Variants in CNTN3 observed in about 807,000 individuals in gnomAD.
CNTN3 encodes the protein contactin-3.
In CNTN3, 60 loss-of-function variants were observed where a neutral mutation model predicts 119.1. The observed-to-expected ratio is 0.50, with a 90% CI of 0.41 to 0.62. The LOEUF (loss-of-function observed/expected upper bound fraction) is 0.62, where lower values mean the gene tolerates loss of function less well. Ranked by LOEUF, CNTN3 falls within the 20% of genes least tolerant of loss-of-function variation. The pLI is 0.00. For synonymous variants in CNTN3, 450 were observed against 438.7 expected (o/e 1.03, Z -0.32); for missense variants, 1,101 against 1,242.4 (o/e 0.89, Z 1.71).
At chr3:74,542,566 G>A (rs2107148895) in intron 1 of CNTN3, among the ~76,000 whole-genome samples, 1 of 152,164 alleles carries the variant, frequency 6.6e-6, no homozygotes, top group East Asian at 1.9e-4. Context: ...GAAACATTAA[G>A]TACACTAACA....
chr3:74,530,946 C>T (rs938273583), intron 1 of CNTN3, among the ~76,000 whole-genome samples: 7 of 151,880 alleles, frequency 4.6e-5, no homozygotes, highest in Admixed American at 3.9e-4. Context: ...CTAGCAAGTC[C>T]AAAGTGACAT....
chr3:74,473,790 G>C (rs1334844807), intron 4 of CNTN3, among the ~76,000 whole-genome samples: 3 of 152,182 alleles, frequency 2.0e-5, no homozygotes, highest in Non-Finnish European at 4.4e-5. Context: ...AAACTGTACA[G>C]ACCCGGGGGA....
intron 13 of CNTN3, among the ~76,000 whole-genome samples, chr3:74,321,199 G>A (rs754063269): frequency 3.9e-5 from 6 of 152,094 alleles, no homozygotes; most frequent in Non-Finnish European, 7.3e-5. Flanking sequence ...CTGGGTGATG[G>A]ATTCAAATAC....
At position 74,574,327 on chromosome 3, in the gene CNTN3, T is replaced by G. The variant is rs567746655; in HGVS notation, c.-81+40064A>C. Among the ~76,000 whole-genome samples, 3 of 152,270 alleles carry G rather than the reference T, an allele frequency of 2.0e-5. No individual in the cohort carries two copies. The South Asian group carries it at 6.2e-4, about 32-fold the overall frequency. On this transcript the variant is annotated intron_variant, in intron 1 of 22. Transcript: ENST00000263665. Reference sequence around the variant, plus strand: ...GGAGTGATTGCTAATGGGTATGGGTTTCTTTTAGAGTGATGAACATGTTCT... The same window carrying G: ...GGAGTGATTGCTAATGGGTATGGGTGTCTTTTAGAGTGATGAACATGTTCT...
At chr3:74,512,909 G>A (rs563384306) in intron 2 of CNTN3, among the ~76,000 whole-genome samples, 7 of 29,706 alleles carry the variant, frequency 2.4e-4, no homozygotes, top group Non-Finnish European at 6.6e-4. Flanking sequence ...CTTAAATATC[G>A]CTTGCAAGTG....
chr3:74,405,820 A>AT (rs1256205726), intron 5 of CNTN3, among the ~76,000 whole-genome samples: 2 of 152,046 alleles, frequency 1.3e-5, no homozygotes, highest in Non-Finnish European at 2.9e-5. Context: ...CCAGTTTTCC[A>AT]TATTTATTTG....
At chr3:74,337,554 T>C (rs1297537287) in intron 11 of CNTN3, among the ~76,000 whole-genome samples, 2 of 152,010 alleles carry the variant, frequency 1.3e-5, no homozygotes, top group African/African-American at 2.4e-5. Context: ...TCTTACATGG[T>C]GGCAGGCAAA....
intron 13 of CNTN3, among the ~76,000 whole-genome samples, chr3:74,309,651 A>T (rs911071447): frequency 1.3e-5 from 2 of 152,208 alleles, no homozygotes; most frequent in Non-Finnish European, 2.9e-5. Flanking sequence ...ATGAGCAGTT[A>T]GGGTAAAAAA....
At chr3:74,575,434 T>C (rs530012978) in intron 1 of CNTN3, among the ~76,000 whole-genome samples, 8 of 152,064 alleles carry the variant, frequency 5.3e-5, no homozygotes, top group African/African-American at 1.9e-4. Flanking sequence ...ATATTTTTAG[T>C]GGAGACAGGG....
chr3:74,543,578 T>A (rs567086065), intron 1 of CNTN3, among the ~76,000 whole-genome samples: 1 of 152,312 alleles, frequency 6.6e-6, no homozygotes, highest in Non-Finnish European at 1.5e-5. Context: ...TAGTAGTAGA[T>A]CACTGAAAAT....
In CNTN3 at chr3:74,371,363, G is replaced by T; in HGVS notation, c.491C>A (p.Ser164Ter). 6.2e-7 allele frequency: 1 copy of T among 1,613,250 alleles called. No homozygotes were observed. The highest frequency in any genetic ancestry group is 8.5e-7 in the Non-Finnish European group (1 of 1,179,472). ...TCTCCGACTATCTTCTTCAACAAAC[G>T]ATGGGTATTCATTGAAGATCCAAGC... ...SYAWIFNEYP[S>*]FVEEDSRRFV... The change falls in exon 6 of 23, where the codon TCG (serine) becomes TAG (stop). Residue 164 changes from serine (S) to a stop codon, truncating the protein, a stop_gained. Coordinates refer to ENST00000263665, the MANE Select transcript of CNTN3 (RefSeq NM_020872.3). LOFTEE classifies it high-confidence loss of function.
intron 1 of CNTN3, among the ~76,000 whole-genome samples, chr3:74,550,862 G>A (rs1048778123): frequency 2.0e-5 from 3 of 152,142 alleles, no homozygotes; most frequent in African/African-American, 7.2e-5. Context: ...TTTATCATCA[G>A]CCTCCATAGG....
At chr3:74,499,925 A>G (rs1367758513) in intron 2 of CNTN3, 140 bp from the exon 3 acceptor site, 1 of 735,310 alleles carries the variant, frequency 1.4e-6, no homozygotes, top group African/African-American at 1.8e-5. Flanking sequence ...CTCTGTAGAC[A>G]TTGTTTTGTT....
intron 4 of CNTN3, among the ~76,000 whole-genome samples, chr3:74,429,340 G>A (rs1313518564): frequency 1.3e-5 from 2 of 151,774 alleles, no homozygotes; most frequent in East Asian, 1.9e-4. Context: ...GGCACAGGGA[G>A]AGACACATAG....
At chr3:74,515,010 A>C (rs1703427911) in intron 2 of CNTN3, among the ~76,000 whole-genome samples, 1 of 151,860 alleles carries the variant, frequency 6.6e-6, no homozygotes. Context: ...AGAAATGAAT[A>C]TTTTCTTATG....
chr3:74,579,744 T>C (rs1297375337), intron 1 of CNTN3, among the ~76,000 whole-genome samples: 1 of 152,038 alleles, frequency 6.6e-6, no homozygotes, highest in Non-Finnish European at 1.5e-5. Flanking sequence ...ATATAAAAAT[T>C]GTATTTGCAG....
chr3:74,340,847 T>C (rs1462950564), intron 11 of CNTN3, among the ~76,000 whole-genome samples: 1 of 152,128 alleles, frequency 6.6e-6, no homozygotes, highest in Non-Finnish European at 1.5e-5. Flanking sequence ...TATTTTCTGA[T>C]TTGGAAACTA....
At chr3:74,266,012 TAGG>T (rs1701654583) in intron 22 of CNTN3, among the ~76,000 whole-genome samples, 1 of 152,120 alleles carries the variant, frequency 6.6e-6, no homozygotes, top group Non-Finnish European at 1.5e-5. Flanking sequence ...CCTTGGAAAC[TAGG>T]AGAAGAATTT....
intron 5 of CNTN3, among the ~76,000 whole-genome samples, chr3:74,380,514 T>C (rs1704586722): frequency 1.3e-5 from 2 of 152,194 alleles, no homozygotes; most frequent in African/African-American, 4.8e-5. Context: ...TTGTAGACAA[T>C]TATGATTTGA....
Sources: allele counts gnomAD v4.1 joint callset (sites outside exome capture counted in the v4.1 genomes callset), GRCh38; gene constraint gnomAD v4.1.1; transcripts MANE v1.5; gene names NCBI Gene and HGNC (gene_info 2026-07-23, HGNC 2026-07-21).